The following LRMDA variants were observed in gnomAD, a reference collection of about 807,000 sequenced individuals.
LRMDA encodes the protein leucine-rich melanocyte differentiation-associated protein.
Under a neutral mutation model 29.8 loss-of-function variants are expected in LRMDA, and 18 were observed. The ratio of observed to expected loss-of-function variants is 0.60; its 90% confidence interval spans 0.42 to 0.90. LRMDA has a LOEUF of 0.90. Among genes scored for constraint, LRMDA ranks in the 40% least tolerant of loss-of-function variants. The probability of loss-of-function intolerance (pLI) is 0.00; values close to 1 mark genes in which losing one functional copy is unlikely to be tolerated. For missense variants in LRMDA, 273 were observed against 273.9 expected (o/e 1.00, Z 0.02); for synonymous variants, 125 against 109.4 (o/e 1.14, Z -0.89).
chr10:76,532,274 C>A (rs1292187279), intron 6 of LRMDA, among the ~76,000 whole-genome samples: 1 of 152,146 alleles, frequency 6.6e-6, no homozygotes, highest in Non-Finnish European at 1.5e-5. Context: ...AGAACATGCA[C>A]AAACCTCTAC....
At chr10:76,406,706 CATGACCCTGAGT>C (rs1841905533) in intron 6 of LRMDA, among the ~76,000 whole-genome samples, 1 of 152,112 alleles carries the variant, frequency 6.6e-6, no homozygotes, top group Admixed American at 6.5e-5. Context: ...TTTCATTCAT[CATGACCCTGAGT>C]ATGTCCCTTC....
At chr10:75,447,387 G>A (rs935956796) in intron 2 of LRMDA, among the ~76,000 whole-genome samples, 3 of 152,032 alleles carry the variant, frequency 2.0e-5, no homozygotes, top group East Asian at 1.9e-4. Flanking sequence ...TTAGCAGGGC[G>A]TGGTGGTGGG....
intron 6 of LRMDA, among the ~76,000 whole-genome samples, chr10:76,462,388 G>A (rs1842522328): frequency 6.6e-6 from 1 of 152,096 alleles, no homozygotes; most frequent in Non-Finnish European, 1.5e-5. Flanking sequence ...CTTCCCATCA[G>A]TTGACAGGAA....
chr10:75,811,159 A>G (rs1426785431), intron 2 of LRMDA, among the ~76,000 whole-genome samples: 3 of 152,156 alleles, frequency 2.0e-5, no homozygotes, highest in African/African-American at 7.2e-5. Context: ...TTCCCTTCTT[A>G]ATAGGAGATT....
At chr10:75,762,254 T>A (rs984071227) in intron 2 of LRMDA, among the ~76,000 whole-genome samples, 1 of 152,218 alleles carries the variant, frequency 6.6e-6, no homozygotes, top group Non-Finnish European at 1.5e-5. Context: ...TTCCTGTAAA[T>A]CAATCCTGTC....
intron 6 of LRMDA, among the ~76,000 whole-genome samples, chr10:76,361,305 A>G (rs1841309309): frequency 6.6e-6 from 1 of 151,906 alleles, no homozygotes; most frequent in African/African-American, 2.4e-5. Flanking sequence ...AAGGGGGACC[A>G]GGATAGATTT....
chr10:76,458,177 T>C (rs1310305283), intron 6 of LRMDA, among the ~76,000 whole-genome samples: 1 of 151,606 alleles, frequency 6.6e-6, no homozygotes, highest in Non-Finnish European at 1.5e-5. Context: ...GCCTGTTTTG[T>C]ATATATTTGC....
At chr10:76,275,874 A>G (rs558487888) in intron 5 of LRMDA, among the ~76,000 whole-genome samples, 8 of 152,172 alleles carry the variant, frequency 5.3e-5, no homozygotes, top group Admixed American at 1.3e-4. Context: ...ATATTGTTCC[A>G]CAGGTCCTTG....
intron 6 of LRMDA, among the ~76,000 whole-genome samples, chr10:76,397,530 A>C (rs1183988015): frequency 6.6e-6 from 1 of 152,190 alleles, no homozygotes; most frequent in African/African-American, 2.4e-5. Flanking sequence ...CTGGACATAA[A>C]AGTCTCCCTT....
intron 2 of LRMDA, among the ~76,000 whole-genome samples, chr10:75,770,024 G>A (rs1032763877): frequency 3.3e-5 from 5 of 152,012 alleles, no homozygotes; most frequent in African/African-American, 4.8e-5. Flanking sequence ...GTTCAAGCTG[G>A]TAATCCCAGA....
At chr10:75,855,322 T>C (rs1220400520) in intron 2 of LRMDA, among the ~76,000 whole-genome samples, 1 of 152,248 alleles carries the variant, frequency 6.6e-6, no homozygotes, top group Non-Finnish European at 1.5e-5. Flanking sequence ...TGGCCAGTGA[T>C]GATGAGCATT....
At chr10:76,527,325 G>A (rs948967828) in intron 6 of LRMDA, among the ~76,000 whole-genome samples, 2 of 152,158 alleles carry the variant, frequency 1.3e-5, no homozygotes, top group Non-Finnish European at 2.9e-5. Flanking sequence ...TGTACAGAGT[G>A]TTTAAGAAGG....
chr10:75,656,690 C>T (rs559916673), intron 2 of LRMDA, among the ~76,000 whole-genome samples: 2 of 152,274 alleles, frequency 1.3e-5, no homozygotes, highest in East Asian at 3.9e-4. Context: ...ACACTCTCCT[C>T]AGCTGCTTGC....
chr10:75,626,157 C>T (rs1422855879), intron 2 of LRMDA, among the ~76,000 whole-genome samples: 2 of 152,012 alleles, frequency 1.3e-5, no homozygotes, highest in African/African-American at 2.4e-5. Context: ...CCACCACACC[C>T]GGCCAAGAGG....
chr10:76,410,490 G>A (rs1841948767), intron 6 of LRMDA, among the ~76,000 whole-genome samples: 1 of 151,454 alleles, frequency 6.6e-6, no homozygotes, highest in South Asian at 2.1e-4. Flanking sequence ...CAAATTTTTT[G>A]TAGAGACAGA....
intron 5 of LRMDA, among the ~76,000 whole-genome samples, chr10:76,120,929 T>G (rs941387156): frequency 6.6e-6 from 1 of 151,756 alleles, no homozygotes; most frequent in Non-Finnish European, 1.5e-5. Flanking sequence ...GACTCCCAGG[T>G]TGACGCCATT....
chr10:76,121,359 G>A (rs1849785118), intron 5 of LRMDA, among the ~76,000 whole-genome samples: 1 of 152,182 alleles, frequency 6.6e-6, no homozygotes. Context: ...GCCCATTTCT[G>A]TGGGCTTGAG....
intron 2 of LRMDA, among the ~76,000 whole-genome samples, chr10:75,781,307 A>G (rs1413487431): frequency 1.3e-5 from 2 of 152,178 alleles, no homozygotes; most frequent in Non-Finnish European, 1.5e-5. Context: ...CATTTTTGTT[A>G]TAGAAGAAAC....
chr10:75,650,689 T>A (rs981056878), intron 2 of LRMDA, among the ~76,000 whole-genome samples: 1 of 152,148 alleles, frequency 6.6e-6, no homozygotes, highest in Non-Finnish European at 1.5e-5. Context: ...AGACTTGGAA[T>A]GGTCTTTCAA....
Sources: allele counts gnomAD v4.1 joint callset (sites outside exome capture counted in the v4.1 genomes callset), GRCh38; gene constraint gnomAD v4.1.1; transcripts MANE v1.5; gene names NCBI Gene and HGNC (gene_info 2026-07-23, HGNC 2026-07-21).